Variants in XPO5 observed in about 807,000 individuals in gnomAD.
XPO5 encodes the protein exportin-5.
Under a neutral mutation model 160.6 loss-of-function variants are expected in XPO5, and 46 were observed. The observed-to-expected ratio is 0.29, with a 90% CI of 0.23 to 0.37. XPO5 has a LOEUF of 0.37. XPO5 is among the 10% of genes least tolerant of loss of function. The pLI, the probability that XPO5 is intolerant of heterozygous loss-of-function variation, is 1.00. For synonymous variants in XPO5, 537 were observed against 519.3 expected, an observed-to-expected ratio of 1.03 and a Z score of -0.46; for missense variants, 1,090 against 1,463.9, an observed-to-expected ratio of 0.74 and a Z score of 4.17.
intron 15 of XPO5, chr6:43,551,085 A>G (rs2127732555): frequency 2.6e-6 from 1 of 379,948 alleles, no homozygotes; most frequent in Non-Finnish European, 4.6e-6. Context: ...AATTTTAAAA[A>G]TAGTTACAAA....
chr6:43,567,658 C>A (rs972301383), intron 6 of XPO5, among the ~76,000 whole-genome samples: 1 of 151,072 alleles, frequency 6.6e-6, no homozygotes, highest in Non-Finnish European at 1.5e-5. Context: ...TTTGGGAGGC[C>A]AAGGTGGGTG....
chr6:43,543,790 C>T (rs964163555), intron 20 of XPO5, among the ~76,000 whole-genome samples: 1 of 152,024 alleles, frequency 6.6e-6, no homozygotes, highest in Non-Finnish European at 1.5e-5. Context: ...AATTCTCCTG[C>T]CTCAGCCTCC....
rs764635768 is a variant in XPO5, at chr6:43,526,719, A to G, written c.2949T>C (p.Ala983=). The part of the protein sequence containing the change: ...ITVCCVSKKG[A]DHSSAPPADG... ...CTGCTGGGGGAGCACTACTGTGGTC[A>G]GCACCCTTCTTTGAAACACAGCAAA... The change falls in exon 27 of 32, where the codon GCT becomes GCC. Residue 983 remains alanine, a synonymous_variant. Coordinates refer to ENST00000265351, the MANE Select transcript of XPO5 (RefSeq NM_020750.3). 1 of 1,613,990 alleles carries G rather than the reference A, an allele frequency of 6.2e-7. No homozygotes were observed.
In XPO5 at chr6:43,555,888, C is replaced by G. The variant is rs1296038578; in HGVS notation, c.1389G>C (p.Gly463=). 1 of 1,613,988 alleles carries G rather than the reference C, an allele frequency of 6.2e-7. No individual in the cohort carries two copies. Among genetic ancestry groups the G allele is most frequent in the Non-Finnish European group, 8.5e-7 (1 of 1,179,894 alleles). ...TTGATAGTTGATACTTTAGCCACTC[C>G]CCAGCCATCTGGAAGCTAGTTTTGG... ...LDPKTSFQMA[G]EWLKYQLSTF... The change falls in exon 13 of 32, where the codon GGG becomes GGC. Residue 463 remains glycine (G), a synonymous_variant. Coordinates refer to ENST00000265351, the MANE Select transcript of XPO5 (RefSeq NM_020750.3).
chr6:43,546,801 AAAG>A (rs753413226), intron 19 of XPO5, 49 bp from the exon 20 acceptor site: 5 of 1,488,636 alleles, frequency 3.4e-6, no homozygotes, highest in Non-Finnish European at 4.5e-6. Context: ...AAAAAAAAAA[AAAG>A]ACCAAATACT....
At chr6:43,526,023 AGGCTAAGTGGT>A (rs1253868819) in intron 27 of XPO5, 102 bp from the exon 28 acceptor site, 10 of 1,354,458 alleles carry the variant, frequency 7.4e-6, no homozygotes, top group Admixed American at 2.0e-5. Flanking sequence ...TGAGTGTTCT[AGGCTAAGTGGT>A]GGCTAAGTAG....
intron 2 of XPO5, 102 bp from the exon 3 acceptor site, chr6:43,572,680 T>A: frequency 1.6e-6 from 2 of 1,236,788 alleles, no homozygotes; most frequent in Admixed American, 2.0e-5. Flanking sequence ...GGAGATTTCA[T>A]TAAGAAATTA....
chr6:43,547,335 C>A, intron 19 of XPO5: 1 of 509,358 alleles, frequency 2.0e-6, no homozygotes, highest in South Asian at 1.8e-5. Context: ...CAAGTTCTGA[C>A]CTACTTCCTC....
intron 23 of XPO5, chr6:43,529,449 G>A (rs1406055729): frequency 3.1e-6 from 1 of 320,446 alleles, no homozygotes; most frequent in Non-Finnish European, 5.9e-6. Flanking sequence ...AGCTACTCGA[G>A]AAGCTAAGGC....
chr6:43,535,153 G>A (rs374405469), intron 20 of XPO5, among the ~76,000 whole-genome samples: 6 of 151,518 alleles, frequency 4.0e-5, no homozygotes, highest in East Asian at 2.0e-4. Flanking sequence ...TTAGCCGGAC[G>A]TGGTGGTGGG....
intron 15 of XPO5, 42 bp downstream of exon 15, chr6:43,551,256 G>T (rs1475361583): frequency 6.6e-7 from 1 of 1,522,234 alleles, no homozygotes; most frequent in African/African-American, 1.4e-5. Flanking sequence ...AATTAACTTA[G>T]AAATGTCAAA....
intron 15 of XPO5, chr6:43,550,894 T>C (rs1795194585): frequency 6.5e-6 from 1 of 154,226 alleles, no homozygotes; most frequent in Non-Finnish European, 1.4e-5. Flanking sequence ...CACACTCTAA[T>C]ACTCTCCTTT....
Position 43,570,698 on chromosome 6 carries a change from A to T in XPO5, c.439-14T>A. On this transcript the variant is annotated splice_polypyrimidine_tract_variant and intron_variant, in intron 4 of 31. Coordinates refer to ENST00000265351, the MANE Select transcript of XPO5 (RefSeq NM_020750.3). ...TGTCTGTGTTTCCTACACCAATAGA[A>T]ATAAGCTAGTTAAAAACTAAAATAT... is the stretch of plus-strand genomic sequence containing the variant. The T allele has an allele frequency of 6.3e-7, 1 of 1,577,920 alleles. No homozygotes were observed. The highest frequency in any genetic ancestry group is 8.6e-7 in the Non-Finnish European group (1 of 1,165,062).
At chr6:43,554,897 A>G (rs1761966096) in intron 13 of XPO5, 1 of 149,662 alleles carries the variant, frequency 6.7e-6, no homozygotes, top group Non-Finnish European at 1.5e-5. Flanking sequence ...AGCCAGTAGT[A>G]TGGTGCTTTT....
rs752318206 is a variant in XPO5, at chr6:43,573,480, T to G, written c.227A>C (p.Lys76Thr). Residue 76 changes from lysine to threonine, a missense_variant and splice_region_variant, in exon 2 of 32, where the codon AAG becomes ACG. By Grantham distance (78) the Lys-to-Thr change is moderately conservative (BLOSUM62 -1). This residue lies in a region of XPO5 where 170 missense variants were observed against 227.0 expected (regional missense o/e 0.75). Transcript: ENST00000265351. ...GTGGTAATGTCCAAGAGCTCCTTAC[T>G]TGACAACGTGTTCCAGGATCTGAAG... Reference protein sequence around the residue: ...FGLQILEHVVKFRWNGMSRLE... With the variant: ...FGLQILEHVVTFRWNGMSRLE... 1 of 1,613,232 alleles carries G rather than the reference T, an allele frequency of 6.2e-7. No individual in the cohort carries two copies. The highest frequency in any genetic ancestry group is 8.5e-7 in the Non-Finnish European group (1 of 1,179,334).
intron 5 of XPO5, among the ~76,000 whole-genome samples, chr6:43,569,286 C>A (rs1310981475): frequency 1.3e-5 from 2 of 148,568 alleles, no homozygotes; most frequent in East Asian, 1.9e-4. Context: ...AAGTGAAACT[C>A]CGTCTCAAAA....
intron 15 of XPO5, chr6:43,550,978 AAG>A (rs1439950147): frequency 2.7e-5 from 5 of 184,014 alleles, no homozygotes; most frequent in African/African-American, 1.2e-4. Flanking sequence ...AGTGTTCCTA[AAG>A]AGTGAGGCAC....
intron 15 of XPO5, 180 bp downstream of exon 15, chr6:43,551,118 T>C (rs1795206354): frequency 2.1e-6 from 1 of 487,502 alleles, no homozygotes; most frequent in Non-Finnish European, 3.4e-6. Context: ...AGGCCAGGCA[T>C]GGTTGTGCAT....
intron 15 of XPO5, among the ~76,000 whole-genome samples, chr6:43,550,206 T>A (rs1795161833): frequency 6.6e-6 from 1 of 152,232 alleles, no homozygotes; most frequent in South Asian, 2.1e-4. Context: ...CACTTGGCTA[T>A]GGAAACGCCT....
Sources: allele counts gnomAD v4.1 joint callset (sites outside exome capture counted in the v4.1 genomes callset), GRCh38; gene constraint gnomAD v4.1.1; regional missense constraint gnomAD v4.1.1; transcripts MANE v1.5; gene names NCBI Gene and HGNC (gene_info 2026-07-23, HGNC 2026-07-21).